Variants in GM2A observed in about 807,000 individuals in gnomAD.
GM2A encodes GM2 ganglioside activator.
A neutral mutation model predicts 12.9 loss-of-function variants in GM2A; 7 were observed. The observed-to-expected ratio is 0.54, with a 90% CI of 0.31 to 1.02. GM2A has a LOEUF of 1.02. GM2A is among the 50% of genes least tolerant of loss of function. The pLI is 0.05. For missense variants in GM2A, 246 were observed against 241.0 expected (o/e 1.02, Z -0.14); for synonymous variants, 101 against 96.0 (o/e 1.05, Z -0.30).
In GM2A at chr5:151,269,171, A is replaced by G. The variant is rs1753959261; in HGVS notation, c.*1720A>G. ...CCTGTTACATCATAACAACTTCTGA[A>G]ACACACACCAGCCCTGAGTTCTGGG... On this transcript the variant is annotated 3_prime_UTR_variant, in exon 4 of 4. Coordinates refer to ENST00000357164, the MANE Select transcript of GM2A (RefSeq NM_000405.5). 2.0e-6 allele frequency: 2 copies of G among 985,314 alleles called. No homozygotes were observed. Among genetic ancestry groups the G allele is most frequent in the Non-Finnish European group, 2.4e-6 (2 of 829,940 alleles). 61.0% of individuals were successfully genotyped at this position (985,314 alleles called of 1,614,324 possible).
intron 1 of GM2A, among the ~76,000 whole-genome samples, chr5:151,259,529 T>G (rs1753752876): frequency 1.3e-5 from 2 of 152,162 alleles, no homozygotes; most frequent in Admixed American, 1.3e-4. Flanking sequence ...AATACACTTT[T>G]GGGAGATTAT....
intron 2 of GM2A, among the ~76,000 whole-genome samples, chr5:151,261,331 A>G (rs1216270910): frequency 6.6e-6 from 1 of 152,176 alleles, no homozygotes; most frequent in African/African-American, 2.4e-5. Flanking sequence ...AGCCCACCCA[A>G]TCATTTTTAA....
chr5:151,258,340 G>C (rs1452055202), intron 1 of GM2A, among the ~76,000 whole-genome samples: 1 of 152,244 alleles, frequency 6.6e-6, no homozygotes, highest in East Asian at 1.9e-4. Context: ...ACATCCTGGA[G>C]AGGAAGGTAG....
intron 1 of GM2A, among the ~76,000 whole-genome samples, chr5:151,254,498 C>G (rs1003748522): frequency 2.0e-5 from 3 of 152,186 alleles, no homozygotes; most frequent in African/African-American, 7.2e-5. Flanking sequence ...CAGGTGTGGG[C>G]CACCAAGTTC....
At chr5:151,267,252 T>C in intron 3 of GM2A, 44 bp from the exon 4 acceptor site, 1 of 1,613,612 alleles carries the variant, frequency 6.2e-7, no homozygotes, top group Non-Finnish European at 8.5e-7. Context: ...AAAGACCCCA[T>C]CAGTAGGCTC....
intron 2 of GM2A, among the ~76,000 whole-genome samples, chr5:151,260,219 C>T (rs1334756158): frequency 1.3e-5 from 2 of 152,210 alleles, no homozygotes; most frequent in Non-Finnish European, 2.9e-5. Context: ...TCATTATTGT[C>T]TGACAGCTCT....
chr5:151,266,735 A>G lies in GM2A; in HGVS notation c.248A>G (p.Asp83Gly). The G allele has an allele frequency of 1.2e-6, 2 of 1,612,694 alleles. No individual in the cohort carries two copies. Among genetic ancestry groups the G allele is most frequent in the South Asian group, 2.2e-5 (2 of 91,048 alleles). Residue 83 changes from aspartate to glycine, a missense_variant, in exon 3 of 4, where the codon GAT becomes GGT. By Grantham distance (94) the Asp-to-Gly change is moderately conservative. Coordinates refer to ENST00000357164, the MANE Select transcript of GM2A (RefSeq NM_000405.5). ...SVPLSSPLKVDLVLEKEVAGL... is the reference protein window; with the variant it reads ...SVPLSSPLKVGLVLEKEVAGL... ...TGTTTTATTTTTTTTTACCAGGTGG[A>G]TTTAGTTTTGGAGAAGGAGGTGGCT...
chr5:151,262,850 G>A (rs1753821243), intron 2 of GM2A, among the ~76,000 whole-genome samples: 2 of 152,162 alleles, frequency 1.3e-5, no homozygotes. Flanking sequence ...TTTCCAGGGA[G>A]GGGGCTATGC....
In GM2A at chr5:151,268,995, T is replaced by C; in HGVS notation, c.*1544T>C. ...TGAGCAGCCTCTCACCTGTGAGCTG[T>C]GGGGATCACAAGGCTGCCTGCCTCA... On this transcript the variant is annotated 3_prime_UTR_variant, in exon 4 of 4. Transcript: ENST00000357164. 1 of 985,440 alleles carries C rather than the reference T, an allele frequency of 1.0e-6. No individual in the cohort carries two copies. The highest frequency in any genetic ancestry group is 1.2e-6 in the Non-Finnish European group (1 of 829,956). The allele number at this position is 985,440 out of a possible 1,614,324, so 61.0% of individuals were successfully genotyped here.
chr5:151,270,282 T>C lies in GM2A; in HGVS notation c.*2831T>C, dbSNP rs1753984606. ...GATCCAGGATCCAAATGTAAGAAAA[T>C]GAAGCCATATAAATACAGAAGGAAA... On this transcript the variant is annotated 3_prime_UTR_variant, in exon 4 of 4. Transcript: ENST00000357164. 2.4e-6 allele frequency: 1 copy of C among 420,384 alleles called. No individual in the cohort carries two copies. Among genetic ancestry groups the C allele is most frequent in the Non-Finnish European group, 4.1e-6 (1 of 246,144 alleles). The allele number at this position is 420,384 out of a possible 1,614,324, so 26.0% of individuals were successfully genotyped here.
Position 151,270,193 on chromosome 5 carries a change from C to A in GM2A, c.*2742C>A. ...AAATGGTGCTGAGCCAACTGGAAAGCCCCTTGGAGAAAGTTGAAGTTAGAC... is the reference window on the plus strand; with the variant it reads ...AAATGGTGCTGAGCCAACTGGAAAGACCCTTGGAGAAAGTTGAAGTTAGAC... On this transcript the variant is annotated 3_prime_UTR_variant, in exon 4 of 4. Coordinates refer to ENST00000357164, the MANE Select transcript of GM2A (RefSeq NM_000405.5). 9.9e-7 allele frequency: 1 copy of A among 1,012,038 alleles called. No homozygotes were observed. The highest frequency in any genetic ancestry group is 1.3e-6 in the Non-Finnish European group (1 of 787,160). 62.7% of individuals were successfully genotyped at this position (1,012,038 alleles called of 1,614,324 possible).
Position 151,269,524 on chromosome 5 carries a change from T to G in GM2A, c.*2073T>G. On this transcript the variant is annotated 3_prime_UTR_variant, in exon 4 of 4. Coordinates refer to ENST00000357164, the MANE Select transcript of GM2A (RefSeq NM_000405.5). ...TTGAACAGGTCCCAGAGACAAAATCTTTTTATCTGAGGAATTTAAAAGGGA... is the reference window on the plus strand; with the variant it reads ...TTGAACAGGTCCCAGAGACAAAATCGTTTTATCTGAGGAATTTAAAAGGGA... The G allele has an allele frequency of 1.2e-6, 1 of 862,186 alleles. No individual in the cohort carries two copies. The highest frequency in any genetic ancestry group is 1.4e-6 in the Non-Finnish European group (1 of 717,302). The allele number at this position is 862,186 out of a possible 1,614,324, so 53.4% of individuals were successfully genotyped here.
At chr5:151,256,048 T>TG (rs905140740) in intron 1 of GM2A, among the ~76,000 whole-genome samples, 1 of 151,246 alleles carries the variant, frequency 6.6e-6, no homozygotes, top group African/African-American at 2.4e-5. Flanking sequence ...AAGATGGGGG[T>TG]GGGGGGTGAC....
Position 151,269,926 on chromosome 5 carries a change from A to G in GM2A, c.*2475A>G, listed in dbSNP as rs533895518. ...CAACCCACGAGTTGACCACTTCCCA[A>G]TGCCGGGGATCTGACACCTCACCTG... On this transcript the variant is annotated 3_prime_UTR_variant, in exon 4 of 4. Coordinates refer to ENST00000357164, the MANE Select transcript of GM2A (RefSeq NM_000405.5). 53 of 1,168,314 alleles carry G rather than the reference A, an allele frequency of 4.5e-5. No homozygotes were observed. The highest frequency in any genetic ancestry group is 2.2e-4 in the African/African-American group (14 of 63,120). The allele number at this position is 1,168,314 out of a possible 1,614,324, so 72.4% of individuals were successfully genotyped here.
chr5:151,265,988 G>T (rs1353831184), intron 2 of GM2A, among the ~76,000 whole-genome samples: 1 of 152,188 alleles, frequency 6.6e-6, no homozygotes, highest in Non-Finnish European at 1.5e-5. Context: ...AGCCAGTTGG[G>T]TTCATTTTGG....
At position 151,267,408 on chromosome 5, in the gene GM2A, G is replaced by C. The variant is rs368576623; in HGVS notation, c.539G>C (p.Arg180Pro). 7.9e-5 allele frequency: 128 copies of C among 1,614,094 alleles called. 2 individuals carry two copies. The highest frequency in any genetic ancestry group is 5.8e-4 in the South Asian group (53 of 91,088). ...AGCGTCCTGAGCAGCAGTGGGAAGC[G>C]TCTGGGCTGCATCAAGATCGCTGCC... ...IESVLSSSGK[R>P]LGCIKIAASL... Residue 180 changes from arginine to proline, a missense_variant, in exon 4 of 4, where the codon CGT becomes CCT. Transcript: ENST00000357164.
intron 2 of GM2A, among the ~76,000 whole-genome samples, chr5:151,260,957 T>C (rs1312513239): frequency 6.6e-6 from 1 of 151,922 alleles, no homozygotes; most frequent in Non-Finnish European, 1.5e-5. Flanking sequence ...TATATGTCCA[T>C]ATCTTTCCAA....
At chr5:151,260,863 ATG>A (rs1753784127) in intron 2 of GM2A, among the ~76,000 whole-genome samples, 1 of 152,118 alleles carries the variant, frequency 6.6e-6, no homozygotes, top group Non-Finnish European at 1.5e-5. Context: ...CAGAATTTTT[ATG>A]TGTTTGTAAA....
chr5:151,256,699 A>G (rs1002160526), intron 1 of GM2A, among the ~76,000 whole-genome samples: 14 of 152,212 alleles, frequency 9.2e-5, no homozygotes, highest in African/African-American at 3.1e-4. Flanking sequence ...TTATATGTAC[A>G]TATCTCCAAC....
Sources: allele counts gnomAD v4.1 joint callset (sites outside exome capture counted in the v4.1 genomes callset), GRCh38; gene constraint gnomAD v4.1.1; transcripts MANE v1.5; gene names NCBI Gene and HGNC (gene_info 2026-07-23, HGNC 2026-07-21).